Variants in CDC42 observed in about 807,000 individuals in gnomAD.
CDC42 encodes the protein cell division control protein 42 homolog.
CDC42 carries 1 observed loss-of-function variant against 20.8 expected under a neutral mutation model. The observed-to-expected ratio is 0.05, with a 90% CI of 0.02 to 0.23. The LOEUF is 0.23. Among genes scored for constraint, CDC42 ranks in the 10% least tolerant of loss-of-function variants. The pLI is 1.00. For missense variants in CDC42, 49 were observed against 227.9 expected, an observed-to-expected ratio of 0.21 and a Z score of 5.05; for synonymous variants, 72 against 84.8, an observed-to-expected ratio of 0.85 and a Z score of 0.83.
At chr1:22,080,024 A>G (rs1645592315) in intron 2 of CDC42, among the ~76,000 whole-genome samples, 1 of 152,164 alleles carries the variant, frequency 6.6e-6, no homozygotes, top group Non-Finnish European at 1.5e-5. Context: ...TAATATGGAA[A>G]TGGATTTGGT....
At chr1:22,087,067 T>G (rs1383376363) in intron 5 of CDC42, among the ~76,000 whole-genome samples, 2 of 152,162 alleles carry the variant, frequency 1.3e-5, no homozygotes, top group Non-Finnish European at 2.9e-5. Flanking sequence ...CCCCTTGTGT[T>G]GGTAAGCTCT....
Position 22,066,536 on chromosome 1 carries a change from T to C in CDC42, c.-50-11893T>C, listed in dbSNP as rs143117103. On this transcript the variant is annotated intron_variant, in intron 1 of 5. Transcript: ENST00000656825. ...TATTACCTTTATGGAGATTTCCTTA[T>C]TTTTAAAAGTCTGTTTCTACTGCCA... 7.2e-5 allele frequency among the ~76,000 whole-genome samples: 11 copies of C among 152,320 alleles called. No individual in the cohort carries two copies. In the East Asian group the frequency reaches 2.1e-3, roughly 29 times the overall value.
intron 1 of CDC42, among the ~76,000 whole-genome samples, chr1:22,074,721 CAT>C (rs1021909448): frequency 1.2e-4 from 18 of 152,190 alleles, no homozygotes; most frequent in African/African-American, 3.9e-4. Flanking sequence ...CTCTTTAATA[CAT>C]GTGTTAAAGG....
chr1:22,054,656 C>T (rs1158737366), intron 1 of CDC42, among the ~76,000 whole-genome samples: 2 of 151,892 alleles, frequency 1.3e-5, no homozygotes, highest in African/African-American at 2.4e-5. Flanking sequence ...TTGGTAAACA[C>T]TTAAAAGGAG....
chr1:22,072,091 CTTTTTT>C (rs55929932), intron 1 of CDC42, among the ~76,000 whole-genome samples: 4 of 70,830 alleles, frequency 5.6e-5, no homozygotes, highest in Middle Eastern at 0.012. Context: ...TTTTACTTAC[CTTTTTT>C]TTTTTTTTTT....
rs80344831 is a variant in CDC42, at chr1:22,098,167, C to A, written c.*6650C>A. ...AGAGACTAGGAGCCTACATTTTGAACAAGCATCTTTTTATTTTGATGAAGT... is the reference window on the plus strand; with the variant it reads ...AGAGACTAGGAGCCTACATTTTGAAAAAGCATCTTTTTATTTTGATGAAGT... On this transcript the variant is annotated 3_prime_UTR_variant, in exon 6 of 6. Coordinates refer to ENST00000656825, the MANE Select transcript of CDC42 (RefSeq NM_001791.4). 0.013 allele frequency among the ~76,000 whole-genome samples: 2,009 copies of A among 152,274 alleles called. 48 individuals are homozygous for A. Among genetic ancestry groups the A allele is most frequent in the African/African-American group, 0.042 (1,764 of 41,540 alleles).
At chr1:22,075,933 C>G (rs1291963057) in intron 1 of CDC42, among the ~76,000 whole-genome samples, 1 of 152,164 alleles carries the variant, frequency 6.6e-6, no homozygotes, top group Non-Finnish European at 1.5e-5. Context: ...AGGGGAAGAA[C>G]AAACTCTTAT....
intron 1 of CDC42, among the ~76,000 whole-genome samples, chr1:22,072,751 A>G (rs1426846942): frequency 1.3e-5 from 2 of 152,164 alleles, no homozygotes; most frequent in East Asian, 3.9e-4. Flanking sequence ...TTTGTTATGA[A>G]AAACAAGAGA....
At chr1:22,084,532 A>C (rs1015330996) in intron 3 of CDC42, among the ~76,000 whole-genome samples, 3 of 151,320 alleles carry the variant, frequency 2.0e-5, no homozygotes, top group African/African-American at 7.3e-5. Context: ...TTTTTGGGGT[A>C]AGTTTTAGGA....
intron 1 of CDC42, among the ~76,000 whole-genome samples, chr1:22,057,720 C>T (rs1048622721): frequency 2.7e-5 from 4 of 147,664 alleles, no homozygotes; most frequent in Non-Finnish European, 4.5e-5. Context: ...ATTGCTTTAC[C>T]TTTTTTTTTT....
intron 2 of CDC42, among the ~76,000 whole-genome samples, chr1:22,079,860 TG>T (rs1645590869): frequency 6.6e-6 from 1 of 152,186 alleles, no homozygotes; most frequent in South Asian, 2.1e-4. Flanking sequence ...AGTGGGCTTG[TG>T]GGTGTTTTAT....
At chr1:22,058,895 A>T (rs1645332715) in intron 1 of CDC42, among the ~76,000 whole-genome samples, 1 of 151,918 alleles carries the variant, frequency 6.6e-6, no homozygotes. Context: ...GCTCACTGTA[A>T]CCTTGAACTC....
chr1:22,077,012 C>T (rs375205373), intron 1 of CDC42, among the ~76,000 whole-genome samples: 3 of 151,946 alleles, frequency 2.0e-5, no homozygotes, highest in East Asian at 1.9e-4. Flanking sequence ...AAAACCCAGC[C>T]GGGCATGGTG....
At position 22,094,699 on chromosome 1, in the gene CDC42, C is replaced by T. The variant is rs963026535; in HGVS notation, c.*3182C>T. The stretch of plus-strand genomic sequence containing the variant: ...AGAAAAGGATTGTGGTTTAAAAGAA[C>T]AATTGTAATATTTCCTTCATTCTGA... On this transcript the variant is annotated 3_prime_UTR_variant, in exon 6 of 6. Coordinates refer to ENST00000656825, the MANE Select transcript of CDC42 (RefSeq NM_001791.4). Among the ~76,000 whole-genome samples, 1 of 152,126 alleles carries T rather than the reference C, an allele frequency of 6.6e-6. No individual in the cohort carries two copies. The highest frequency in any genetic ancestry group is 1.5e-5 in the Non-Finnish European group (1 of 68,008).
intron 1 of CDC42, chr1:22,053,404 A>G (rs1350345018): frequency 6.6e-6 from 1 of 152,056 alleles, no homozygotes; most frequent in African/African-American, 2.4e-5. Flanking sequence ...GCCCCGAGCC[A>G]CGGCCTCCAG....
At chr1:22,061,528 CTTTCTTTTTTTTTTTTTTT>C (rs1479916887) in intron 1 of CDC42, among the ~76,000 whole-genome samples, 13 of 86,306 alleles carry the variant, frequency 1.5e-4, no homozygotes, top group Admixed American at 2.8e-4. Flanking sequence ...CTTCATGTTT[CTTTCTTTTTTTTTTTTTTT>C]TTTTTTTTTT....
At chr1:22,078,762 A>G in intron 2 of CDC42, 179 bp downstream of exon 2, 1 of 1,488,240 alleles carries the variant, frequency 6.7e-7, no homozygotes, top group Non-Finnish European at 9.0e-7. Flanking sequence ...AAATCAGTGG[A>G]AAGTCAGAAG....
chr1:22,093,804 G>T lies in CDC42; in HGVS notation c.*2287G>T, dbSNP rs371714353. Among the ~76,000 whole-genome samples the T allele has an allele frequency of 6.6e-6, 1 of 152,188 alleles. No homozygotes were observed. The highest frequency in any genetic ancestry group is 1.5e-5 in the Non-Finnish European group (1 of 68,032). On this transcript the variant is annotated 3_prime_UTR_variant, in exon 6 of 6. Transcript: ENST00000656825. ...GACATATGTATCCTTAGTGTAGTCA[G>T]GGGCGTATAGGTCCTTGACTATTGC...
rs1193205858 is a variant in CDC42 at position 22,095,490 on chromosome 1, C to T, written c.*3973C>T. Among the ~76,000 whole-genome samples, 4 of 152,074 alleles carry T rather than the reference C, an allele frequency of 2.6e-5. No homozygotes were observed. The highest frequency in any genetic ancestry group is 4.8e-5 in the African/African-American group (2 of 41,390). On this transcript the variant is annotated 3_prime_UTR_variant, in exon 6 of 6. Coordinates refer to ENST00000656825, the MANE Select transcript of CDC42 (RefSeq NM_001791.4). ...TTCACCATGTTAGCCAGGATGGTCT[C>T]GATCTCCTGACCTCGTGATCCGCCC...
Sources: allele counts gnomAD v4.1 joint callset (sites outside exome capture counted in the v4.1 genomes callset), GRCh38; gene constraint gnomAD v4.1.1; transcripts MANE v1.5; gene names NCBI Gene and HGNC (gene_info 2026-07-23, HGNC 2026-07-21).